The following HPCAL4 variants were observed in gnomAD, a reference collection of about 807,000 sequenced individuals.
The protein encoded by HPCAL4 is hippocalcin-like protein 4.
HPCAL4 carries 16 observed loss-of-function variants against 18.2 expected under a neutral mutation model. The observed-to-expected ratio is 0.88, with a 90% CI of 0.59 to 1.33. HPCAL4 has a LOEUF of 1.33. Ranked by LOEUF, HPCAL4 falls within the 40% of genes most tolerant of loss-of-function variation. The pLI is 0.00. For missense variants in HPCAL4, 214 were observed against 256.6 expected (o/e 0.83, Z 1.14); for synonymous variants, 80 against 97.5 (o/e 0.82, Z 1.06).
rs558861342 is a variant in HPCAL4 at position 39,683,294 on chromosome 1, C to T, written c.379-561G>A. Among the ~76,000 whole-genome samples, 447 of 152,268 alleles carry T rather than the reference C, an allele frequency of 2.9e-3. 6 individuals are homozygous for T. The highest frequency in any genetic ancestry group is 0.01 in the African/African-American group (424 of 41,560). ...GGGCTCCTGGCTCCCCGTATGACCA[C>T]CTTCCTATCACTCTCTCCCTCTCAT... is the stretch of plus-strand genomic sequence containing the variant. On this transcript the variant is annotated intron_variant, in intron 3 of 3. Transcript: ENST00000372844.
intron 2 of HPCAL4, 80 bp downstream of exon 2, chr1:39,684,361 GC>G: frequency 8.9e-7 from 1 of 1,123,246 alleles, no homozygotes. Context: ...ATCCCAGGGT[GC>G]CCTGCCTCCC....
intron 1 of HPCAL4, among the ~76,000 whole-genome samples, chr1:39,687,795 T>C (rs1295506534): frequency 6.6e-6 from 1 of 151,936 alleles, no homozygotes; most frequent in Non-Finnish European, 1.5e-5. Context: ...TCCCAGCTGC[T>C]CAGAAGCTGA....
chr1:39,687,851 C>T (rs895299405), intron 1 of HPCAL4, among the ~76,000 whole-genome samples: 4 of 151,540 alleles, frequency 2.6e-5, no homozygotes, highest in East Asian at 1.9e-4. Context: ...TGCAGTGAGC[C>T]GTGATTGAGC....
At chr1:39,687,387 G>C (rs557402214) in intron 1 of HPCAL4, among the ~76,000 whole-genome samples, 16 of 152,368 alleles carry the variant, frequency 1.1e-4, no homozygotes, top group Middle Eastern at 3.4e-3. Flanking sequence ...TGTCTGATGG[G>C]GGGAGGCACA....
intron 1 of HPCAL4, among the ~76,000 whole-genome samples, chr1:39,685,787 G>A (rs1447608803): frequency 6.6e-6 from 1 of 151,946 alleles, no homozygotes; most frequent in Non-Finnish European, 1.5e-5. Flanking sequence ...GGCTGAGGCA[G>A]GAGAATGGCG....
rs544011286 is a variant in HPCAL4, at chr1:39,679,729, A to C, written c.*2807T>G. 6.6e-6 allele frequency: 1 copy of C among 152,320 alleles called. No individual in the cohort carries two copies. The highest frequency in any genetic ancestry group is 1.9e-4 in the East Asian group (1 of 5,172). 9.4% of individuals were successfully genotyped at this position (152,320 alleles called of 1,614,324 possible). ...CTCCTGAGCACACAGTCCCTGGGAC[A>C]CCCAGGAGTATGCAGGAGCATGTCC... is the stretch of plus-strand genomic sequence containing the variant. On this transcript the variant is annotated 3_prime_UTR_variant, in exon 4 of 4. Coordinates refer to ENST00000372844, the MANE Select transcript of HPCAL4 (RefSeq NM_016257.4).
Position 39,679,296 on chromosome 1 carries a change from C to T in HPCAL4, c.*3240G>A, listed in dbSNP as rs1646600436. Reference sequence around the variant, plus strand: ...CCATTGTCAGGAAAGGATTTAGTGCCTTTACTTATGAACTAACTTTTTCTT... The same window carrying T: ...CCATTGTCAGGAAAGGATTTAGTGCTTTTACTTATGAACTAACTTTTTCTT... On this transcript the variant is annotated 3_prime_UTR_variant, in exon 4 of 4. Transcript: ENST00000372844. The T allele has an allele frequency of 6.6e-6, 1 of 152,222 alleles. No individual in the cohort carries two copies. Among genetic ancestry groups the T allele is most frequent in the Non-Finnish European group, 1.5e-5 (1 of 68,042 alleles). The allele number at this position is 152,222 out of a possible 1,614,324, so 9.4% of individuals were successfully genotyped here.
chr1:39,690,498 C>A (rs1646709660), intron 1 of HPCAL4, among the ~76,000 whole-genome samples: 1 of 152,150 alleles, frequency 6.6e-6, no homozygotes, highest in South Asian at 2.1e-4. Context: ...AGACATTTGA[C>A]AGGCAGAATG....
chr1:39,684,561 C>T lies in HPCAL4; in HGVS notation c.43G>A (p.Asp15Asn), dbSNP rs767231940. Residue 15 changes from aspartate to asparagine, a missense_variant, in exon 2 of 4, where the codon GAC (aspartate) becomes AAC (asparagine). Transcript: ENST00000372844. ...NSKLAPEVLE[D>N]LVQNTEFSEQ... ...CTGAACTCAGTGTTCTGAACAAGGT[C>T]CTCCAGCACCTCGGGGGCCAGCTTG... 6.2e-7 allele frequency: 1 copy of T among 1,611,302 alleles called. No homozygotes were observed. The highest frequency in any genetic ancestry group is 1.7e-5 in the Admixed American group (1 of 59,638).
intron 1 of HPCAL4, among the ~76,000 whole-genome samples, chr1:39,689,847 T>C (rs1254512270): frequency 7.1e-6 from 1 of 141,420 alleles, no homozygotes; most frequent in Non-Finnish European, 1.6e-5. Context: ...AATAGCTCCC[T>C]GGTCAGGAGA....
chr1:39,683,103 C>T (rs753680528), intron 3 of HPCAL4, among the ~76,000 whole-genome samples: 6 of 152,104 alleles, frequency 3.9e-5, no homozygotes, highest in African/African-American at 1.4e-4. Flanking sequence ...GGGTTGGTCT[C>T]GAACTCATTA....
chr1:39,682,833 G>C (rs1646638495), intron 3 of HPCAL4, 100 bp from the exon 4 acceptor site: 1 of 853,150 alleles, frequency 1.2e-6, no homozygotes, highest in African/African-American at 1.7e-5. Flanking sequence ...CTGGGGGTTG[G>C]TGAGGATACT....
Position 39,682,581 on chromosome 1 carries a change from A to G in HPCAL4, c.531T>C (p.Ser177=). Residue 177 remains serine (S), a synonymous_variant, in exon 4 of 4, where the codon AGT becomes AGC. Coordinates refer to ENST00000372844, the MANE Select transcript of HPCAL4 (RefSeq NM_016257.4). ...GCAGCAGCAACACAATGGATGGGTC[A>G]CTCTTGGCTGCCTCCTTGAACTCCT... is the stretch of plus-strand genomic sequence containing the variant. The part of the protein sequence containing the change: ...TLEEFKEAAK[S]DPSIVLLLQC... 1 of 1,614,176 alleles carries G rather than the reference A, an allele frequency of 6.2e-7. No homozygotes were observed. The highest frequency in any genetic ancestry group is 1.3e-5 in the African/African-American group (1 of 75,032).
In HPCAL4 at chr1:39,683,920, C is replaced by T. The variant is rs370491292; in HGVS notation, c.378+17G>A. Reference sequence around the variant, plus strand: ...AGCGCTGGCCTCGGGAACAGCAGCGCCCGCGCGGCCCCGCACCTCGATGAT... The same window carrying T: ...AGCGCTGGCCTCGGGAACAGCAGCGTCCGCGCGGCCCCGCACCTCGATGAT... On this transcript the variant is annotated intron_variant, in intron 3 of 3. Coordinates refer to ENST00000372844, the MANE Select transcript of HPCAL4 (RefSeq NM_016257.4). 5 of 1,608,484 alleles carry T rather than the reference C, an allele frequency of 3.1e-6. No individual in the cohort carries two copies. In the East Asian group the frequency reaches 8.9e-5, roughly 29 times the overall value.
intron 1 of HPCAL4, among the ~76,000 whole-genome samples, chr1:39,687,911 A>AT (rs768325331): frequency 0.01 from 1,538 of 148,162 alleles, 13 homozygotes; most frequent in Non-Finnish European, 0.016. Flanking sequence ...TCAAAAAAAA[A>AT]ATAAGTAAAT....
chr1:39,684,246 T>TCCTCCCACCCCGGGTGCCTCGCCA, intron 2 of HPCAL4, 94 bp from the exon 3 acceptor site: 1 of 1,129,130 alleles, frequency 8.9e-7, no homozygotes, highest in Non-Finnish European at 1.2e-6. Context: ...GTGCCTCGCC[T>TCCTCCCACCCCGGGTGCCTCGCCA]CCTCCCACCC....
chr1:39,684,738 A>C, intron 1 of HPCAL4, 127 bp from the exon 2 acceptor site: 8 of 716,210 alleles, frequency 1.1e-5, no homozygotes, highest in African/African-American at 1.8e-5. Context: ...CTCCCCCATA[A>C]TGGGGCCTCC....
At chr1:39,685,949 A>T (rs1471757074) in intron 1 of HPCAL4, among the ~76,000 whole-genome samples, 3 of 151,518 alleles carry the variant, frequency 2.0e-5, no homozygotes, top group African/African-American at 7.3e-5. Flanking sequence ...TGAGAGGCTG[A>T]GGCAGGTGGA....
At chr1:39,685,950 G>T (rs1646671029) in intron 1 of HPCAL4, among the ~76,000 whole-genome samples, 1 of 151,548 alleles carries the variant, frequency 6.6e-6, no homozygotes, top group African/African-American at 2.4e-5. Context: ...GAGAGGCTGA[G>T]GCAGGTGGAT....
Sources: allele counts gnomAD v4.1 joint callset (sites outside exome capture counted in the v4.1 genomes callset), GRCh38; gene constraint gnomAD v4.1.1; transcripts MANE v1.5; gene names NCBI Gene and HGNC (gene_info 2026-07-23, HGNC 2026-07-21).